The following HIVEP3 variants were observed in gnomAD, a reference collection of about 807,000 sequenced individuals.
HIVEP3 encodes transcription factor HIVEP3.
A neutral mutation model predicts 152.8 loss-of-function variants in HIVEP3; 49 were observed. That is an observed-to-expected ratio of 0.32 (90% CI 0.26 to 0.41). The LOEUF (loss-of-function observed/expected upper bound fraction) is 0.41, where lower values mean the gene tolerates loss of function less well. Among genes scored for constraint, HIVEP3 ranks in the 10% least tolerant of loss-of-function variants. The pLI, the probability that HIVEP3 is intolerant of heterozygous loss-of-function variation, is 1.00. For missense variants in HIVEP3, 2,790 were observed against 3,103.3 expected, an observed-to-expected ratio of 0.90 and a Z score of 2.40; for synonymous variants, 1,269 against 1,289.0, an observed-to-expected ratio of 0.98 and a Z score of 0.33.
At chr1:41,922,863 GGAAA>G (rs1305762389), upstream of HIVEP3, among the ~76,000 whole-genome samples, 2 of 151,986 alleles carry the variant, frequency 1.3e-5, no homozygotes, top group Non-Finnish European at 2.9e-5. Flanking sequence ...ATAAAGAAAA[GGAAA>G]GAAAGAGAGG....
chr1:41,756,733 C>A (rs1221470685), intron 1 of HIVEP3, among the ~76,000 whole-genome samples: 7 of 152,186 alleles, frequency 4.6e-5, no homozygotes, highest in Non-Finnish European at 1.0e-4. Context: ...TACTTAAAAG[C>A]ACCATATGGT....
intron 1 of HIVEP3, among the ~76,000 whole-genome samples, chr1:41,964,868 G>A (rs577046836): frequency 2.6e-5 from 4 of 152,370 alleles, no homozygotes; most frequent in Non-Finnish European, 2.9e-5. Flanking sequence ...CTGGGCAAGC[G>A]GGATTCCCCC....
chr1:41,573,900 C>T (rs1644288361), intron 5 of HIVEP3, among the ~76,000 whole-genome samples: 1 of 152,050 alleles, frequency 6.6e-6, no homozygotes, highest in Non-Finnish European at 1.5e-5. Flanking sequence ...AGGACCCATA[C>T]CAGCTGGAGG....
Position 41,581,354 on chromosome 1 carries a change from G to A in HIVEP3, c.3444C>T (p.Phe1148=). The A allele has an allele frequency of 6.2e-7, 1 of 1,613,760 alleles. No homozygotes were observed. Among genetic ancestry groups the A allele is most frequent in the Non-Finnish European group, 8.5e-7 (1 of 1,179,862 alleles). Reference sequence around the variant, plus strand: ...CTGGCTCATGCTGCACGAGATGCTGGAAGGAGAAAAGGGAGACTGGTGGGG... The same window carrying A: ...CTGGCTCATGCTGCACGAGATGCTGAAAGGAGAAAAGGGAGACTGGTGGGG... The part of the protein sequence containing the change: ...YLPPPVSLFS[F]QHLVQHEPGQ... Residue 1148 remains phenylalanine (F), a synonymous_variant, in exon 4 of 9, where the codon TTC becomes TTT. Coordinates refer to ENST00000372583, the MANE Select transcript of HIVEP3 (RefSeq NM_024503.5). The surrounding 1 kb of genome is among the most constrained non-coding windows in gnomAD (Gnocchi z 4.5).
chr1:41,751,443 A>G (rs1647162258), intron 1 of HIVEP3, among the ~76,000 whole-genome samples: 1 of 147,500 alleles, frequency 6.8e-6, no homozygotes, highest in Non-Finnish European at 1.5e-5. Context: ...GCATTTCACC[A>G]TGAGTAGGTG....
At chr1:41,880,590 A>G (rs1164391856) in intron 1 of HIVEP3, among the ~76,000 whole-genome samples, 1 of 152,206 alleles carries the variant, frequency 6.6e-6, no homozygotes, top group Non-Finnish European at 1.5e-5. Context: ...AGGAGAAGGA[A>G]GAAGAGCGGA....
intron 2 of HIVEP3, among the ~76,000 whole-genome samples, chr1:41,637,022 A>T (rs1442921338): frequency 2.0e-5 from 3 of 151,962 alleles, no homozygotes; most frequent in African/African-American, 4.8e-5. Context: ...GAGGAAAGTG[A>T]TTGCTACCAT....
At chr1:41,876,744 C>G (rs11210536) in intron 1 of HIVEP3, among the ~76,000 whole-genome samples, 42,658 of 152,110 alleles carry the variant, frequency 0.28, 6,605 homozygotes, top group East Asian at 0.53. Context: ...CCACTCCAGC[C>G]AAGCACATTT....
chr1:41,866,720 C>T (rs1384623984), intron 1 of HIVEP3, among the ~76,000 whole-genome samples: 4 of 152,326 alleles, frequency 2.6e-5, no homozygotes, highest in East Asian at 3.9e-4. Flanking sequence ...GGAACACATC[C>T]GACCATCAGG....
intron 2 of HIVEP3, among the ~76,000 whole-genome samples, chr1:41,674,552 TCCTC>T (rs2124077027): frequency 6.6e-6 from 1 of 152,186 alleles, no homozygotes; most frequent in South Asian, 2.1e-4. Context: ...CTCTGGAACT[TCCTC>T]CCTGCCCCGT....
chr1:41,548,219 G>A (rs570696108), intron 5 of HIVEP3, among the ~76,000 whole-genome samples: 2 of 152,310 alleles, frequency 1.3e-5, no homozygotes, highest in South Asian at 4.1e-4. Context: ...TGTGTGTTGA[G>A]CATTGACATG....
intron 2 of HIVEP3, among the ~76,000 whole-genome samples, chr1:41,659,250 A>G (rs1363099492): frequency 6.6e-6 from 1 of 152,088 alleles, no homozygotes; most frequent in Non-Finnish European, 1.5e-5. Context: ...TATTACTCAG[A>G]TCTCAAGATA....
Position 41,918,055 on chromosome 1 carries a change from C to T in HIVEP3, c.-801+358G>A, listed in dbSNP as rs1195762311. 6.6e-6 allele frequency among the ~76,000 whole-genome samples: 1 copy of T among 152,232 alleles called. No homozygotes were observed. The highest frequency in any genetic ancestry group is 1.5e-5 in the Non-Finnish European group (1 of 68,036). On this transcript the variant is annotated intron_variant, in intron 1 of 8. Transcript: ENST00000372583. This position sits in a 1 kb window ranked among gnomAD's most constrained non-coding sequence, Gnocchi z 4.3. ...GCCAGTGCGCGGGTGCAGAGCCCAG[C>T]AGAGCCTGCTGCAAGCAGCGCTGGA...
At chr1:41,518,564 C>T in intron 6 of HIVEP3, 76 bp from the exon 7 acceptor site, 2 of 1,360,800 alleles carry the variant, frequency 1.5e-6, no homozygotes, top group Non-Finnish European at 2.1e-6. Context: ...ATGGAGGTAG[C>T]ACCTGGCCGG....
chr1:41,736,156 C>T (rs1474353990), intron 1 of HIVEP3, among the ~76,000 whole-genome samples: 2 of 152,148 alleles, frequency 1.3e-5, no homozygotes, highest in East Asian at 1.9e-4. Flanking sequence ...GAAGGAATCT[C>T]GAGAGTTCCA....
chr1:41,588,878 C>T (rs1358989571), intron 3 of HIVEP3, among the ~76,000 whole-genome samples: 1 of 151,880 alleles, frequency 6.6e-6, no homozygotes, highest in African/African-American at 2.4e-5. Flanking sequence ...CACACCATGA[C>T]AGGTCTGAAG....
chr1:41,653,184 C>T (rs1160905436), intron 2 of HIVEP3, among the ~76,000 whole-genome samples: 1 of 151,920 alleles, frequency 6.6e-6, no homozygotes, highest in Admixed American at 6.6e-5. Context: ...AACTCTTCTC[C>T]AGCTATTCTG....
intron 1 of HIVEP3, among the ~76,000 whole-genome samples, chr1:41,976,430 C>T (rs967597270): frequency 1.3e-5 from 2 of 152,226 alleles, no homozygotes; most frequent in Non-Finnish European, 2.9e-5. Flanking sequence ...TGCTTCCCAA[C>T]TACAGATTCA....
intron 1 of HIVEP3, among the ~76,000 whole-genome samples, chr1:41,778,581 C>G (rs571221459): frequency 6.6e-6 from 1 of 152,158 alleles, no homozygotes; most frequent in Non-Finnish European, 1.5e-5. Flanking sequence ...CAGTTGATCC[C>G]GTTCTGACAT....
Sources: gnomAD v4.1 joint callset for allele counts (sites outside exome capture counted in the v4.1 genomes callset) on GRCh38, gnomAD v4.1.1 for gene constraint, Gnocchi (gnomAD v3.1) non-coding constraint, MANE v1.5 for transcripts, NCBI Gene and HGNC (gene_info 2026-07-23, HGNC 2026-07-21) for gene names.